SKAP2: variants seen among roughly 807,000 people sequenced by gnomAD.
SKAP2 encodes the protein src kinase associated phosphoprotein 2.
In SKAP2, 28 loss-of-function variants were observed where a neutral mutation model predicts 54.9. That is an observed-to-expected ratio of 0.51 (90% CI 0.38 to 0.70). The LOEUF (loss-of-function observed/expected upper bound fraction) is 0.70. SKAP2 is among the 30% of genes least tolerant of loss of function. The pLI is 0.00. For synonymous variants in SKAP2, 137 were observed against 134.3 expected, an observed-to-expected ratio of 1.02 and a Z score of -0.14; for missense variants, 356 against 424.1, an observed-to-expected ratio of 0.84 and a Z score of 1.41.
intron 2 of SKAP2, among the ~76,000 whole-genome samples, chr7:26,854,466 T>C (rs1584428798): frequency 6.6e-6 from 1 of 152,050 alleles, no homozygotes; most frequent in African/African-American, 2.4e-5. Context: ...CAGTGTCAGG[T>C]ATTTTCTGTA....
At chr7:26,660,099 A>T in the SKAP2 span, among the ~76,000 whole-genome samples, 1,814 of 152,230 alleles carry the variant, frequency 0.012, 37 homozygotes, top group African/African-American at 0.041. Flanking sequence ...GCCTCAAACC[A>T]GATTAATGGA....
At chr7:26,816,239 T>C (rs1213504365) in intron 4 of SKAP2, among the ~76,000 whole-genome samples, 1 of 152,166 alleles carries the variant, frequency 6.6e-6, no homozygotes, top group South Asian at 2.1e-4. Context: ...AAAAGATAAG[T>C]GCATTGTTAA....
chr7:26,668,895 T>C lies in SKAP2; in HGVS notation c.*771A>G, dbSNP rs1023981522. 1 of 152,096 alleles carries C rather than the reference T, an allele frequency of 6.6e-6. No homozygotes were observed. The highest frequency in any genetic ancestry group is 1.5e-5 in the Non-Finnish European group (1 of 68,014). 9.4% of individuals were successfully genotyped at this position (152,096 alleles called of 1,614,324 possible). A position where few individuals can be genotyped will look rare whatever the true frequency, so the allele number is the denominator to read the frequency against. ...CTGGGAGATTCTTTATACCATTTTG[T>C]TAGTGGTAGGGTGGTATTTCTTAGG... On this transcript the variant is annotated 3_prime_UTR_variant, in exon 13 of 13. Coordinates refer to ENST00000345317, the MANE Select transcript of SKAP2 (RefSeq NM_003930.5).
chr7:26,811,039 GAAGTC>G (rs1475141796), intron 4 of SKAP2, among the ~76,000 whole-genome samples: 6 of 152,068 alleles, frequency 3.9e-5, no homozygotes, highest in Admixed American at 6.6e-5. Flanking sequence ...AAAATAAAAT[GAAGTC>G]AAGTAGTTTG....
At chr7:26,856,013 A>G (rs540972311) in intron 1 of SKAP2, among the ~76,000 whole-genome samples, 2 of 152,274 alleles carry the variant, frequency 1.3e-5, no homozygotes, top group African/African-American at 4.8e-5. Flanking sequence ...AACTGTACTT[A>G]CAATTAACCA....
intron 4 of SKAP2, among the ~76,000 whole-genome samples, chr7:26,836,452 A>T (rs1214800282): frequency 6.6e-6 from 1 of 152,182 alleles, no homozygotes; most frequent in Non-Finnish European, 1.5e-5. Flanking sequence ...CATCTGACAA[A>T]GGGCTAATAT....
At chr7:26,823,309 C>T (rs889471050) in intron 4 of SKAP2, among the ~76,000 whole-genome samples, 1 of 150,872 alleles carries the variant, frequency 6.6e-6, no homozygotes, top group African/African-American at 2.4e-5. Flanking sequence ...GCCTGTAATC[C>T]TAGCTACTCA....
chr7:26,733,202 A>T (rs1787857602), intron 6 of SKAP2, among the ~76,000 whole-genome samples: 2 of 152,276 alleles, frequency 1.3e-5, no homozygotes, highest in South Asian at 4.1e-4. Flanking sequence ...AAAAGTCTAT[A>T]AAATTGTAAT....
chr7:26,858,246 T>C (rs1785214312), intron 1 of SKAP2: 1 of 152,158 alleles, frequency 6.6e-6, no homozygotes, highest in African/African-American at 2.4e-5. Flanking sequence ...TGCTTGCATT[T>C]AACCCCAGAA....
In SKAP2 at chr7:26,705,175, C is replaced by T. The variant is rs114710212; in HGVS notation, c.797-14813G>A. 3.0e-3 allele frequency among the ~76,000 whole-genome samples: 454 copies of T among 152,262 alleles called. 5 individuals are homozygous for T. The highest frequency in any genetic ancestry group is 0.011 in the African/African-American group (437 of 41,554). On this transcript the variant is annotated intron_variant, in intron 9 of 12. Coordinates refer to ENST00000345317, the MANE Select transcript of SKAP2 (RefSeq NM_003930.5). ...CAGTATGACGAAACTTTCTTGTTTTCTCATCCCCAAATAACAACTGATTTT... is the reference window on the plus strand; with the variant it reads ...CAGTATGACGAAACTTTCTTGTTTTTTCATCCCCAAATAACAACTGATTTT...
At chr7:26,736,113 G>A (rs530386836) in intron 6 of SKAP2, among the ~76,000 whole-genome samples, 29 of 152,250 alleles carry the variant, frequency 1.9e-4, no homozygotes, top group Admixed American at 7.8e-4. Context: ...GAGCAACTCC[G>A]TCTTGAATAG....
intron 6 of SKAP2, among the ~76,000 whole-genome samples, chr7:26,737,759 A>G (rs1787973839): frequency 6.6e-6 from 1 of 152,218 alleles, no homozygotes; most frequent in Non-Finnish European, 1.5e-5. Context: ...AAAACTCAGA[A>G]AGCTTACAAT....
intron 4 of SKAP2, among the ~76,000 whole-genome samples, chr7:26,787,451 T>C (rs904008997): frequency 2.6e-5 from 4 of 151,970 alleles, no homozygotes; most frequent in African/African-American, 9.7e-5. Flanking sequence ...ACCTCCTGAG[T>C]AGCTGAGACT....
intron 9 of SKAP2, among the ~76,000 whole-genome samples, chr7:26,702,544 T>C (rs937740971): frequency 8.5e-5 from 13 of 152,204 alleles, no homozygotes; most frequent in African/African-American, 3.1e-4. Flanking sequence ...TTGTCAGTTC[T>C]TCTTGTTTGA....
At chr7:26,679,200 G>T (rs996527497) in intron 11 of SKAP2, among the ~76,000 whole-genome samples, 1 of 152,132 alleles carries the variant, frequency 6.6e-6, no homozygotes, top group African/African-American at 2.4e-5. Flanking sequence ...CCATTGCAAG[G>T]GCTGCAGCTG....
intron 1 of SKAP2, among the ~76,000 whole-genome samples, chr7:26,862,735 A>G (rs2128000036): frequency 6.6e-6 from 1 of 152,224 alleles, no homozygotes; most frequent in East Asian, 1.9e-4. Context: ...TACATATCAT[A>G]TTATCTGTGA....
intron 9 of SKAP2, among the ~76,000 whole-genome samples, chr7:26,696,766 C>T (rs1786903477): frequency 6.6e-6 from 1 of 152,198 alleles, no homozygotes; most frequent in South Asian, 2.1e-4. Flanking sequence ...AATTTCTGTA[C>T]TATGACATTA....
intron 10 of SKAP2, among the ~76,000 whole-genome samples, chr7:26,687,113 G>A (rs1475376617): frequency 2.0e-5 from 3 of 151,092 alleles, no homozygotes; most frequent in Admixed American, 6.6e-5. Flanking sequence ...AAAGTATATG[G>A]TGATTTCTAA....
rs545372686 is a variant in SKAP2 at position 26,828,538 on chromosome 7, G to A, written c.307+15492C>T. On this transcript the variant is annotated intron_variant, in intron 4 of 12. Coordinates refer to ENST00000345317, the MANE Select transcript of SKAP2 (RefSeq NM_003930.5). ...TAAAAATACAAAAAATTAGCCGGGC[G>A]TGGTGGTGGGCGCCTGTAGTCCCAG... 2.2e-3 allele frequency among the ~76,000 whole-genome samples: 328 copies of A among 151,544 alleles called. 1 individual carries two copies. The highest frequency in any genetic ancestry group is 7.5e-3 in the African/African-American group (311 of 41,286).
Sources: gnomAD v4.1 joint callset for allele counts (sites outside exome capture counted in the v4.1 genomes callset) on GRCh38, gnomAD v4.1.1 for gene constraint, MANE v1.5 for transcripts, NCBI Gene and HGNC (gene_info 2026-07-23, HGNC 2026-07-21) for gene names.